FOXP2: variants seen among roughly 807,000 people sequenced by gnomAD.
The protein encoded by FOXP2 is forkhead box protein P2.
In FOXP2, 12 loss-of-function variants were observed where a neutral mutation model predicts 115.8. The ratio of observed to expected loss-of-function variants is 0.10; its 90% CI spans 0.07 to 0.17. The LOEUF (loss-of-function observed/expected upper bound fraction) is 0.17, where lower values mean the gene tolerates loss of function less well. Ranked by LOEUF, FOXP2 falls within the 10% of genes least tolerant of loss-of-function variation. The pLI is 1.00. For missense variants in FOXP2, 629 were observed against 843.5 expected (o/e 0.75, Z 3.15); for synonymous variants, 328 against 297.7 (o/e 1.10, Z -1.05).
intron 1 of FOXP2, among the ~76,000 whole-genome samples, chr7:114,258,358 GA>G (rs1203272006): frequency 1.3e-5 from 2 of 152,178 alleles, no homozygotes; most frequent in African/African-American, 4.8e-5. Context: ...CTATGCAAAG[GA>G]AGAGATGGTT....
intron 13 of FOXP2, among the ~76,000 whole-genome samples, chr7:114,659,943 A>T (rs1187567366): frequency 6.6e-6 from 1 of 152,216 alleles, no homozygotes; most frequent in Non-Finnish European, 1.5e-5. Flanking sequence ...GCACTCAATC[A>T]TCAACACCTT....
chr7:114,246,887 A>C (rs1018447493), intron 1 of FOXP2, among the ~76,000 whole-genome samples: 3 of 152,154 alleles, frequency 2.0e-5, no homozygotes, highest in Non-Finnish European at 2.9e-5. Flanking sequence ...TTTCATTAAG[A>C]TTCGCCAAGT....
At chr7:114,464,125 G>A (rs1457054152) in intron 2 of FOXP2, among the ~76,000 whole-genome samples, 2 of 152,148 alleles carry the variant, frequency 1.3e-5, no homozygotes, top group Non-Finnish European at 2.9e-5. Flanking sequence ...ATTTGTAAAT[G>A]AGGTTTGTGA....
At chr7:114,266,374 T>C (rs535373141) in intron 1 of FOXP2, among the ~76,000 whole-genome samples, 1 of 152,342 alleles carries the variant, frequency 6.6e-6, no homozygotes, top group South Asian at 2.1e-4. Flanking sequence ...AGAGGTTTAA[T>C]TGGCTTATTG....
chr7:114,275,599 T>G (rs1415336636), intron 1 of FOXP2, among the ~76,000 whole-genome samples: 1 of 152,216 alleles, frequency 6.6e-6, no homozygotes, highest in Non-Finnish European at 1.5e-5. Flanking sequence ...ACTGTCTTCT[T>G]TATCCATTAG....
chr7:114,318,379 G>GTTTTTTTTTTTTTTTTTTTT (rs201941261), intron 2 of FOXP2, among the ~76,000 whole-genome samples: 1 of 116,826 alleles, frequency 8.6e-6, no homozygotes, highest in African/African-American at 2.9e-5. Context: ...GTCTCTCTTT[G>GTTTTTTTTTTTTTTTTTTTT]TTTTTTTTTT....
At position 114,502,108 on chromosome 7, in the gene FOXP2, T is replaced by C. The variant is rs184324137; in HGVS notation, c.169-32509T>C. The stretch of plus-strand genomic sequence containing the variant: ...TTAAAACTGCATTTACCTAAATGTT[T>C]ATATTAAGACAAAACCAAAAGCACT... On this transcript the variant is annotated intron_variant, in intron 2 of 16. Transcript: ENST00000350908. Among the ~76,000 whole-genome samples, 528 of 152,224 alleles carry C rather than the reference T, an allele frequency of 3.5e-3. 13 individuals carry two copies. Among genetic ancestry groups the C allele is most frequent in the Admixed American group, 0.03 (454 of 15,286 alleles).
chr7:114,118,918 A>G, intron 1 of FOXP2, among the ~76,000 whole-genome samples: 1 of 152,080 alleles, frequency 6.6e-6, no homozygotes, highest in East Asian at 1.9e-4. Flanking sequence ...AGGCAGTTTG[A>G]CTCATATACA....
chr7:114,306,501 G>A (rs1797016840), intron 2 of FOXP2, among the ~76,000 whole-genome samples: 1 of 152,102 alleles, frequency 6.6e-6, no homozygotes, highest in Admixed American at 6.5e-5. Context: ...AATACATCAG[G>A]TGAAAACTGC....
At chr7:114,129,637 T>A (rs1367154687) in intron 1 of FOXP2, among the ~76,000 whole-genome samples, 1 of 152,236 alleles carries the variant, frequency 6.6e-6, no homozygotes, top group Non-Finnish European at 1.5e-5. Context: ...TCTTACTTTT[T>A]CTGGAAAGCT....
chr7:114,418,951 CAA>C (rs1163970696), intron 1 of FOXP2, among the ~76,000 whole-genome samples: 1 of 151,836 alleles, frequency 6.6e-6, no homozygotes, highest in Non-Finnish European at 1.5e-5. Flanking sequence ...ATAAAACTGA[CAA>C]ATGATAATGT....
In FOXP2 at chr7:114,196,584, A is replaced by G. The variant is rs554297661; in HGVS notation, c.-102+33496A>G. ...AATGCACTCTTAGTGTTCTTAATAG[A>G]CTGTAATTTACACTTTTTATCAAGT... is the stretch of plus-strand genomic sequence containing the variant. On this transcript the variant is annotated intron_variant, in intron 1 of 17. Transcript: ENST00000634411. Among the ~76,000 whole-genome samples the G allele has an allele frequency of 9.8e-5, 15 of 152,286 alleles. No individual in the cohort carries two copies. In the South Asian group the frequency reaches 3.1e-3, roughly 32 times the overall value.
chr7:114,272,514 C>G (rs941260654), intron 1 of FOXP2, among the ~76,000 whole-genome samples: 1 of 151,792 alleles, frequency 6.6e-6, no homozygotes, highest in African/African-American at 2.4e-5. Flanking sequence ...GGGCCTGGTG[C>G]TTTCTATTTT....
chr7:114,102,693 A>C (rs1791011598), intron 1 of FOXP2, among the ~76,000 whole-genome samples: 1 of 80,446 alleles, frequency 1.2e-5, no homozygotes, highest in Non-Finnish European at 2.5e-5. Context: ...CAAACACCAC[A>C]CACCACACAC....
intron 3 of FOXP2, among the ~76,000 whole-genome samples, chr7:114,623,318 G>A (rs188995275): frequency 2.2e-4 from 33 of 151,932 alleles, no homozygotes; most frequent in Non-Finnish European, 3.7e-4. Context: ...ATTTCAGTTC[G>A]TCAGGATTAG....
At chr7:114,486,480 C>G (rs1252934192) in intron 2 of FOXP2, among the ~76,000 whole-genome samples, 1 of 152,046 alleles carries the variant, frequency 6.6e-6, no homozygotes, top group African/African-American at 2.4e-5. Context: ...ACCCCTGGCC[C>G]CTCCCAAATC....
chr7:114,237,064 G>T (rs929863663), intron 1 of FOXP2, among the ~76,000 whole-genome samples: 3 of 152,168 alleles, frequency 2.0e-5, no homozygotes, highest in Non-Finnish European at 1.5e-5. Flanking sequence ...ATGTCTGTGT[G>T]GGGGGCTGAC....
chr7:114,397,282 T>C (rs1332655244), intron 2 of FOXP2, among the ~76,000 whole-genome samples: 2 of 152,140 alleles, frequency 1.3e-5, no homozygotes, highest in African/African-American at 4.8e-5. Flanking sequence ...CAGTCAACAA[T>C]TATTAACCAT....
At chr7:114,684,458 T>C (rs1167280446) in intron 16 of FOXP2, among the ~76,000 whole-genome samples, 1 of 152,194 alleles carries the variant, frequency 6.6e-6, no homozygotes, top group Non-Finnish European at 1.5e-5. Context: ...GCTTATTGAC[T>C]TGAAGGCAGT....
Sources: gnomAD v4.1 joint callset for allele counts (sites outside exome capture counted in the v4.1 genomes callset) on GRCh38, gnomAD v4.1.1 for gene constraint, MANE v1.5 for transcripts, NCBI Gene and HGNC (gene_info 2026-07-23, HGNC 2026-07-21) for gene names.